The following RETREG3 variants were observed in gnomAD, a reference collection of about 807,000 sequenced individuals.
RETREG3 encodes reticulophagy regulator 3.
RETREG3 carries 23 observed loss-of-function variants against 50.2 expected under a neutral mutation model. The ratio of observed to expected loss-of-function variants is 0.46; its 90% CI spans 0.33 to 0.65. The LOEUF is 0.65. Among genes scored for constraint, RETREG3 ranks in the 30% least tolerant of loss-of-function variants. The pLI is 0.02. For missense variants in RETREG3, 546 were observed against 598.0 expected (o/e 0.91, Z 0.91); for synonymous variants, 240 against 234.4 (o/e 1.02, Z -0.22).
rs1330694069 is a variant in RETREG3 at position 42,609,345 on chromosome 17, A to T, written c.-21T>A. ...GCCATCTCCCCGCGGCAGCCACAAC[A>T]TCCGGGGCCGTGGCCCGACAAGTCA... On this transcript the variant is annotated 5_prime_UTR_variant, in exon 1 of 9. An upstream start codon of the reference 5' UTR is lost. Transcript: ENST00000309428. 2 of 1,583,794 alleles carry T rather than the reference A, an allele frequency of 1.3e-6. No individual in the cohort carries two copies. Among genetic ancestry groups the T allele is most frequent in the Middle Eastern group, 1.7e-4 (1 of 5,854 alleles).
intron 7 of RETREG3, 152 bp from the exon 8 acceptor site, chr17:42,582,958 C>G: frequency 1.0e-6 from 1 of 1,003,954 alleles, no homozygotes; most frequent in South Asian, 1.8e-5. Context: ...TGAAAACTCC[C>G]TCTCCCCTTT....
intron 1 of RETREG3, 126 bp downstream of exon 1, chr17:42,608,960 G>T: frequency 1.0e-6 from 1 of 970,250 alleles, no homozygotes; most frequent in Middle Eastern, 2.2e-4. Context: ...AAGGAGGTGA[G>T]GCAAAATTAG....
rs551275525 is a variant in RETREG3 at position 42,587,871 on chromosome 17, T to C, written c.347-7A>G. On this transcript the variant is annotated splice_region_variant and splice_polypyrimidine_tract_variant and intron_variant, in intron 2 of 8. Transcript: ENST00000309428. ...AATGCGTCGGGTCTTGGCACTACAA[T>C]ATTAAAACAAACACCAGCATTAGTT... 1 of 1,614,120 alleles carries C rather than the reference T, an allele frequency of 6.2e-7. No individual in the cohort carries two copies. The highest frequency in any genetic ancestry group is 1.6e-4 in the Middle Eastern group (1 of 6,062).
At chr17:42,584,979 G>T in intron 6 of RETREG3, 146 bp downstream of exon 6, 1 of 976,780 alleles carries the variant, frequency 1.0e-6, no homozygotes, top group Non-Finnish European at 1.5e-6. Flanking sequence ...CCCTAGAACA[G>T]AATATCATTT....
intron 1 of RETREG3, chr17:42,598,823 A>G (rs1014160590): frequency 7.2e-5 from 11 of 152,176 alleles, no homozygotes; most frequent in African/African-American, 2.7e-4. Flanking sequence ...CAGGTACTCA[A>G]AGGTATGTTG....
chr17:42,585,106 A>C lies in RETREG3; in HGVS notation c.727+19T>G. On this transcript the variant is annotated intron_variant, in intron 6 of 8. Transcript: ENST00000309428. ...GCCCCAAATTGCGTAAGTGGAAAGA[A>C]TGACACCATGACACTTACATTGTCT... The C allele has an allele frequency of 6.2e-7, 1 of 1,610,758 alleles. No homozygotes were observed. The highest frequency in any genetic ancestry group is 1.3e-5 in the African/African-American group (1 of 74,982).
At chr17:42,595,131 A>G (rs2093141559) in intron 1 of RETREG3, among the ~76,000 whole-genome samples, 1 of 150,298 alleles carries the variant, frequency 6.7e-6, no homozygotes, top group Non-Finnish European at 1.5e-5. Context: ...ACGTCCAGCT[A>G]ATTTTTTTTG....
upstream of RETREG3, chr17:42,609,407 G>C: frequency 4.8e-6 from 7 of 1,445,812 alleles, no homozygotes; most frequent in Non-Finnish European, 5.6e-6. Flanking sequence ...GATTCGGCGG[G>C]GGAGGTGGCT....
intron 1 of RETREG3, among the ~76,000 whole-genome samples, chr17:42,607,499 CAAAA>C (rs34542887): frequency 4.3e-5 from 2 of 46,942 alleles, no homozygotes; most frequent in African/African-American, 1.0e-4. Flanking sequence ...GACCTTGTCT[CAAAA>C]AAAAAAAAAA....
At chr17:42,587,647 C>G in intron 3 of RETREG3, 187 bp downstream of exon 3, 2 of 633,486 alleles carry the variant, frequency 3.2e-6, no homozygotes, top group East Asian at 2.8e-5. Flanking sequence ...TTGTAAAGAT[C>G]AGAGGACACA....
intron 2 of RETREG3, among the ~76,000 whole-genome samples, chr17:42,588,825 T>C (rs1482131079): frequency 6.6e-6 from 1 of 152,060 alleles, no homozygotes; most frequent in Non-Finnish European, 1.5e-5. Flanking sequence ...GCCTGGCTAT[T>C]TTTGTGTTTT....
Position 42,581,778 on chromosome 17 carries a change from C to T in RETREG3, c.*35G>A, listed in dbSNP as rs772325998. On this transcript the variant is annotated 3_prime_UTR_variant, in exon 9 of 9. Coordinates refer to ENST00000309428, the MANE Select transcript of RETREG3 (RefSeq NM_178126.4). ...TTAAGTGGGATGGGGAGAAAAAAAC[C>T]TAAACCACAGTGACTCCCAAAAGGA... 6.6e-7 allele frequency: 1 copy of T among 1,522,054 alleles called. No homozygotes were observed. The highest frequency in any genetic ancestry group is 8.8e-7 in the Non-Finnish European group (1 of 1,135,544). The allele number at this position is 1,522,054 out of a possible 1,614,324, so 94.3% of individuals were successfully genotyped here. A position where few individuals can be genotyped will look rare whatever the true frequency, so the allele number is the denominator to read the frequency against.
chr17:42,584,633 C>T lies in RETREG3; in HGVS notation c.727+492G>A, dbSNP rs149424570. 6.8e-4 allele frequency among the ~76,000 whole-genome samples: 103 copies of T among 151,900 alleles called. 2 individuals carry two copies. The highest frequency in any genetic ancestry group is 2.4e-3 in the African/African-American group (101 of 41,390). On this transcript the variant is annotated intron_variant, in intron 6 of 8. Transcript: ENST00000309428. ...AGGATCAGCCTGGGCAACATGAGAC[C>T]CCATCTCTACAAAAAAATTTAAAAA...
chr17:42,609,101 A>T lies in RETREG3; in HGVS notation c.224T>A (p.Leu75Gln). 1 of 1,606,966 alleles carries T rather than the reference A, an allele frequency of 6.2e-7. No homozygotes were observed. Among genetic ancestry groups the T allele is most frequent in the Non-Finnish European group, 8.5e-7 (1 of 1,179,786 alleles). The change falls in exon 1 of 9, where the codon CTG becomes CAG. Residue 75 changes from leucine (L) to glutamine (Q), a missense_variant. Coordinates refer to ENST00000309428, the MANE Select transcript of RETREG3 (RefSeq NM_178126.4). ...GTTCTCTCACCAGAAAGCCGCGTTC[A>T]GCCCCAGGCACCACAGAGCGCTCCT... ...PARSALWCLGLNAAFWFFALT... is the reference protein window; with the variant it reads ...PARSALWCLGQNAAFWFFALT...
At chr17:42,607,006 T>C (rs1015180912) in intron 1 of RETREG3, among the ~76,000 whole-genome samples, 17 of 151,858 alleles carry the variant, frequency 1.1e-4, no homozygotes, top group Non-Finnish European at 7.4e-5. Context: ...AAAACAAAAA[T>C]AAGTAAACCC....
chr17:42,604,177 G>A (rs2093163504), intron 1 of RETREG3, among the ~76,000 whole-genome samples: 1 of 151,542 alleles, frequency 6.6e-6, no homozygotes, highest in Non-Finnish European at 1.5e-5. Context: ...TGGGGGGGCG[G>A]ACAAAAATAA....
chr17:42,585,136 C>T lies in RETREG3; in HGVS notation c.716G>A (p.Arg239Lys). Residue 239 changes from arginine (R) to lysine (K), a missense_variant, in exon 6 of 9, where the codon AGA becomes AAA. By Grantham distance (26) the Arg-to-Lys change is conservative (BLOSUM62 2). Transcript: ENST00000309428. ...SVRGYMMSKQ[R>K]ERQLRRRALH... ...ACCATGACACTTACATTGTCTCTCT[C>T]TCTGCTTGGACATCATGTAGCCACG... 1 of 1,613,300 alleles carries T rather than the reference C, an allele frequency of 6.2e-7. No individual in the cohort carries two copies. The highest frequency in any genetic ancestry group is 8.5e-7 in the Non-Finnish European group (1 of 1,180,030).
chr17:42,582,189 C>T lies in RETREG3; in HGVS notation c.1025G>A (p.Gly342Asp), dbSNP rs753168256. ...GCTAGTGTCGTCCTCATCATCCAGG[C>T]CAGCAGGATCCATATTAATGGAAGG... ...DFPSINMDPA[G>D]LDDEDDTSIG... is the part of the protein sequence containing the mutation. Residue 342 changes from glycine to aspartate, a missense_variant, in exon 9 of 9, where the codon GGC becomes GAC. Transcript: ENST00000309428. 9.9e-6 allele frequency: 16 copies of T among 1,613,856 alleles called. No homozygotes were observed. Among genetic ancestry groups the T allele is most frequent in the Non-Finnish European group, 1.2e-5 (14 of 1,180,016 alleles).
rs760569752 is a variant in RETREG3 at position 42,609,364 on chromosome 17, C to G, written c.-40G>C. ...CACAACATCCGGGGCCGTGGCCCGA[C>G]AAGTCACAATAACAGCAACTGCGCA... On this transcript the variant is annotated 5_prime_UTR_variant, in exon 1 of 9. Transcript: ENST00000309428. 2.6e-6 allele frequency: 4 copies of G among 1,566,428 alleles called. No individual in the cohort carries two copies. Among genetic ancestry groups the G allele is most frequent in the Non-Finnish European group, 2.6e-6 (3 of 1,160,064 alleles).
Sources: allele counts gnomAD v4.1 joint callset (sites outside exome capture counted in the v4.1 genomes callset), GRCh38; gene constraint gnomAD v4.1.1; transcripts MANE v1.5; gene names NCBI Gene and HGNC (gene_info 2026-07-23, HGNC 2026-07-21).